NOD1: variants seen among roughly 807,000 people sequenced by gnomAD.
The protein encoded by NOD1 is nucleotide-binding oligomerization domain-containing protein 1.
In NOD1, 70 loss-of-function variants were observed where a neutral mutation model predicts 81.2. The ratio of observed to expected loss-of-function variants is 0.86; its 90% CI spans 0.71 to 1.05. The LOEUF is 1.05. Ranked by LOEUF, NOD1 falls within the 50% of genes least tolerant of loss-of-function variation. The probability of loss-of-function intolerance (pLI) is 0.00; values close to 1 mark genes in which losing one functional copy is unlikely to be tolerated. For missense variants in NOD1, 1,233 were observed against 1,228.0 expected (o/e 1.00, Z -0.06); for synonymous variants, 508 against 526.9 (o/e 0.96, Z 0.49).
chr7:30,446,735 C>A (rs1182045033), intron 8 of NOD1: 4 of 528,994 alleles, frequency 7.6e-6, no homozygotes, highest in Non-Finnish European at 1.3e-5. Context: ...TTTCTTCGGC[C>A]TAGTAGTTAA....
At chr7:30,436,838 C>A (rs982753073) in intron 10 of NOD1, among the ~76,000 whole-genome samples, 1 of 152,084 alleles carries the variant, frequency 6.6e-6, no homozygotes, top group Admixed American at 6.6e-5. Flanking sequence ...GATCTAGAAC[C>A]AGAAATACCA....
At chr7:30,439,208 C>G (rs1031094085) in intron 9 of NOD1, among the ~76,000 whole-genome samples, 7 of 152,204 alleles carry the variant, frequency 4.6e-5, no homozygotes, top group Admixed American at 2.6e-4. Flanking sequence ...TGTGATCCAG[C>G]AATCCCACTG....
At chr7:30,447,320 C>T in intron 7 of NOD1, 1 of 490,434 alleles carries the variant, frequency 2.0e-6, no homozygotes, top group South Asian at 2.0e-5. Context: ...GATGATAGTC[C>T]CCTTGCAGGG....
chr7:30,447,412 T>C, intron 7 of NOD1: 1 of 280,500 alleles, frequency 3.6e-6, no homozygotes, highest in South Asian at 3.8e-5. Context: ...TATTTACAAC[T>C]AAGATTACAT....
chr7:30,472,879 G>A (rs892546633), intron 1 of NOD1, among the ~76,000 whole-genome samples: 2 of 152,156 alleles, frequency 1.3e-5, no homozygotes, highest in African/African-American at 2.4e-5. Flanking sequence ...CTCTCCACCC[G>A]GCAGCCTCCA....
Position 30,451,307 on chromosome 7 carries a change from T to C in NOD1, c.2110A>G (p.Lys704Glu). 6.2e-7 allele frequency: 1 copy of C among 1,614,120 alleles called. No individual in the cohort carries two copies. Among genetic ancestry groups the C allele is most frequent in the South Asian group, 1.1e-5 (1 of 91,088 alleles). Residue 704 changes from lysine to glutamate, a missense_variant, in exon 6 of 14, where the codon AAG (lysine) becomes GAG (glutamate). Transcript: ENST00000222823. The surrounding 1 kb of genome is among the most constrained non-coding windows in gnomAD (Gnocchi z 4.2). The stretch of plus-strand genomic sequence containing the variant: ...TTGTCTAGGTCTAGGGCCAGCCGCT[T>C]GGGGAAGTGATGCAGGACGAAGGAG... ...ALSFVLHHFP[K>E]RLALDLDNNN...
intron 13 of NOD1, among the ~76,000 whole-genome samples, chr7:30,428,089 G>GT (rs1394950343): frequency 6.6e-6 from 1 of 151,612 alleles, no homozygotes; most frequent in Non-Finnish European, 1.5e-5. Context: ...TTTCTTTTTT[G>GT]TTTTTTGAGA....
chr7:30,473,624 G>A (rs1788490759), intron 1 of NOD1, among the ~76,000 whole-genome samples: 1 of 152,188 alleles, frequency 6.6e-6, no homozygotes, highest in Admixed American at 6.5e-5. Flanking sequence ...GTGGGAGGAG[G>A]CGACAGGAGG....
intron 7 of NOD1, chr7:30,447,419 A>G (rs1785223892): frequency 7.4e-6 from 2 of 271,850 alleles, no homozygotes; most frequent in South Asian, 4.0e-5. Context: ...AACTAAGATT[A>G]CATTCAGCGT....
rs375626697 is a variant in NOD1, at chr7:30,451,259, C to A, written c.2158G>T (p.Val720Leu). The A allele has an allele frequency of 6.2e-7, 1 of 1,613,930 alleles. No homozygotes were observed. Among genetic ancestry groups the A allele is most frequent in the Non-Finnish European group, 8.5e-7 (1 of 1,180,026 alleles). The change falls in exon 6 of 14, where the codon GTG becomes TTG. Residue 720 changes from valine (V) to leucine (L), a missense_variant. By Grantham distance (32) the Val-to-Leu change is conservative. Coordinates refer to ENST00000222823, the MANE Select transcript of NOD1 (RefSeq NM_006092.4). This position sits in a 1 kb window ranked among gnomAD's most constrained non-coding sequence, Gnocchi z 4.2. ...CTGAAGCAGGGCTGCAGCTCCCGCA[C>A]GCCGTAGTCGTTGAGATTGTTGTTG... is the stretch of plus-strand genomic sequence containing the variant. ...LDNNNLNDYG[V>L]RELQPCFSRL...
At chr7:30,446,290 T>G (rs1376406554) in intron 8 of NOD1, 66 bp from the exon 9 acceptor site, 11 of 1,166,240 alleles carry the variant, frequency 9.4e-6, no homozygotes, top group Non-Finnish European at 1.2e-5. Context: ...GTCACCCTCC[T>G]CCCCAGCACA....
Position 30,451,161 on chromosome 7 carries a change from C to T in NOD1, c.2201+55G>A. On this transcript the variant is annotated intron_variant, in intron 6 of 13. Transcript: ENST00000222823. The surrounding 1 kb of genome is among the most constrained non-coding windows in gnomAD (Gnocchi z 4.2). ...GGTCCATGATGCCATTCCCGATGCC[C>T]TCCGAGCCTGGCCCGCCCGGCCCAC... 6.4e-7 allele frequency: 1 copy of T among 1,572,912 alleles called. No homozygotes were observed. Among genetic ancestry groups the T allele is most frequent in the Admixed American group, 1.7e-5 (1 of 57,518 alleles).
rs149999039 is a variant in NOD1, at chr7:30,425,695, C to T, written c.2805G>A (p.Leu935=). 9.2e-5 allele frequency: 148 copies of T among 1,613,330 alleles called. No homozygotes were observed. The highest frequency in any genetic ancestry group is 1.7e-5 in the Non-Finnish European group (20 of 1,179,378). The change falls in exon 14 of 14, where the codon CTG becomes CTA. Residue 935 remains leucine (L), a synonymous_variant. Transcript: ENST00000222823. ...AGACTTTGGCCTCCTCTGGTTTTAT[C>T]AGGTTTCCATTTAGGCTGTTGAAAA... ...GITEICLNGN[L]IKPEEAKVYE... is the part of the protein sequence containing the mutation.
At chr7:30,463,211 A>G (rs1787329675) in intron 1 of NOD1, among the ~76,000 whole-genome samples, 1 of 152,230 alleles carries the variant, frequency 6.6e-6, no homozygotes, top group Non-Finnish European at 1.5e-5. Flanking sequence ...AAAAGTCAGC[A>G]ACCCATATGC....
At chr7:30,459,545 AT>A (rs1174349772) in intron 2 of NOD1, among the ~76,000 whole-genome samples, 14 of 152,214 alleles carry the variant, frequency 9.2e-5, no homozygotes, top group Admixed American at 2.6e-4. Flanking sequence ...CAGAAAAAAA[AT>A]ATCCTTTGCA....
At chr7:30,430,424 CAG>C (rs1164910777) in intron 12 of NOD1, among the ~76,000 whole-genome samples, 1 of 152,204 alleles carries the variant, frequency 6.6e-6, no homozygotes, top group Non-Finnish European at 1.5e-5. Flanking sequence ...CGCTTCATCA[CAG>C]AGTCATTCCC....
chr7:30,433,391 C>A, intron 11 of NOD1: 1 of 551,660 alleles, frequency 1.8e-6, no homozygotes, highest in Non-Finnish European at 3.2e-6. Flanking sequence ...TGTACCTGGG[C>A]TCCTATTTCT....
rs1476690464 is a variant in NOD1 at position 30,424,717 on chromosome 7, T to C, written c.*921A>G. The stretch of plus-strand genomic sequence containing the variant: ...GCCCGTTTAGTCACCCTTCAGCTGC[T>C]TGGGAGGCAGGAAGAGACTTCCCCT... On this transcript the variant is annotated 3_prime_UTR_variant, in exon 14 of 14. Coordinates refer to ENST00000222823, the MANE Select transcript of NOD1 (RefSeq NM_006092.4). 6.6e-6 allele frequency: 1 copy of C among 152,096 alleles called. No homozygotes were observed. The highest frequency in any genetic ancestry group is 2.1e-4 in the South Asian group (1 of 4,810). 9.4% of individuals were successfully genotyped at this position (152,096 alleles called of 1,614,324 possible).
Position 30,455,241 on chromosome 7 carries a change from T to C in NOD1, c.272A>G (p.Gln91Arg). 1.2e-6 allele frequency: 2 copies of C among 1,614,206 alleles called. No individual in the cohort carries two copies. The highest frequency in any genetic ancestry group is 1.7e-6 in the Non-Finnish European group (2 of 1,180,032). The change falls in exon 5 of 14, where the codon CAG becomes CGG. Residue 91 changes from glutamine to arginine, a missense_variant. By Grantham distance (43) the Gln-to-Arg change is conservative (BLOSUM62 1). Transcript: ENST00000222823. ...GTCCACGTAGGCATCTGCGAGTTGC[T>C]GGAGCAAGTAGAGGAAGAACTCGGA... ...EVSEFFLYLL[Q>R]QLADAYVDLR... is the part of the protein sequence containing the mutation.
Sources: gnomAD v4.1 joint callset for allele counts (sites outside exome capture counted in the v4.1 genomes callset) on GRCh38, gnomAD v4.1.1 for gene constraint, Gnocchi (gnomAD v3.1) non-coding constraint, MANE v1.5 for transcripts, NCBI Gene and HGNC (gene_info 2026-07-23, HGNC 2026-07-21) for gene names.